PRKAG2: variants seen among roughly 807,000 people sequenced by gnomAD.
The protein encoded by PRKAG2 is 5'-AMP-activated protein kinase subunit gamma-2.
In PRKAG2, 26 loss-of-function variants were observed where a neutral mutation model predicts 69.6. That is an observed-to-expected ratio of 0.37 (90% CI 0.27 to 0.52). The LOEUF is 0.52. PRKAG2 is among the 20% of genes least tolerant of loss of function. The pLI, the probability that PRKAG2 is intolerant of heterozygous loss-of-function variation, is 0.90. For missense variants in PRKAG2, 557 were observed against 740.0 expected, an observed-to-expected ratio of 0.75 and a Z score of 2.87; for synonymous variants, 293 against 285.0, an observed-to-expected ratio of 1.03 and a Z score of -0.28.
At chr7:151,651,669 G>A (rs1466286876) in intron 4 of PRKAG2, among the ~76,000 whole-genome samples, 4 of 138,034 alleles carry the variant, frequency 2.9e-5, no homozygotes, top group Non-Finnish European at 4.4e-5. Context: ...TAGACTCTAG[G>A]TAAGTAGGCT....
Position 151,828,163 on chromosome 7 carries a change from A to G in PRKAG2, c.115-41622T>C, listed in dbSNP as rs1290418758. Among the ~76,000 whole-genome samples the G allele has an allele frequency of 6.6e-6, 1 of 152,220 alleles. No homozygotes were observed. Among genetic ancestry groups the G allele is most frequent in the Admixed American group, 6.5e-5 (1 of 15,286 alleles). Reference sequence around the variant, plus strand: ...CCGACCCCAGGCTGGCCCTGGAATGAGTGCAACTCTTTGTCCAGGGGTCTC... The same window carrying G: ...CCGACCCCAGGCTGGCCCTGGAATGGGTGCAACTCTTTGTCCAGGGGTCTC... On this transcript the variant is annotated intron_variant, in intron 1 of 15. Transcript: ENST00000287878. The surrounding 1 kb of genome is among the most constrained non-coding windows in gnomAD (Gnocchi z 4.6).
intron 1 of PRKAG2, among the ~76,000 whole-genome samples, chr7:151,855,885 G>A (rs1456800368): frequency 1.3e-5 from 2 of 152,210 alleles, no homozygotes; most frequent in African/African-American, 4.8e-5. Flanking sequence ...TGTGCACCCT[G>A]TCTCCATTTC....
At chr7:151,693,017 A>G (rs1268278120) in intron 3 of PRKAG2, among the ~76,000 whole-genome samples, 2 of 152,056 alleles carry the variant, frequency 1.3e-5, no homozygotes, top group Non-Finnish European at 2.9e-5. Context: ...GGAGAAGGGG[A>G]GGGGGCAGGA....
intron 6 of PRKAG2, among the ~76,000 whole-genome samples, chr7:151,584,706 G>A (rs146705491): frequency 3.0e-3 from 455 of 152,220 alleles, no homozygotes; most frequent in Middle Eastern, 0.01. Flanking sequence ...AGACCCAGCT[G>A]GGCAACATAG....
At chr7:151,613,768 C>T (rs1208333332) in intron 5 of PRKAG2, among the ~76,000 whole-genome samples, 2 of 146,548 alleles carry the variant, frequency 1.4e-5, no homozygotes, top group African/African-American at 5.1e-5. Context: ...AAAGTGCTTA[C>T]AGGTGTGAGC....
chr7:151,728,000 G>A (rs993372941), intron 3 of PRKAG2, among the ~76,000 whole-genome samples: 19 of 152,182 alleles, frequency 1.2e-4, no homozygotes, highest in African/African-American at 4.6e-4. Flanking sequence ...CCAGCAGCCT[G>A]CTTTCCAGAG....
rs538621550 is a variant in PRKAG2, at chr7:151,852,597, C to G, written c.114+23910G>C. 1.2e-3 allele frequency among the ~76,000 whole-genome samples: 183 copies of G among 152,136 alleles called. 5 individuals carry two copies. In the South Asian group the frequency reaches 0.032, roughly 27 times the overall value. On this transcript the variant is annotated intron_variant, in intron 1 of 15. Transcript: ENST00000287878. ...CCTGTAGGGGGGCATGTGGTAAGCA[C>G]CCCATTGTTAATGGGGCCCTGAGAA...
intron 5 of PRKAG2, among the ~76,000 whole-genome samples, chr7:151,613,220 T>C (rs1355809123): frequency 6.6e-6 from 1 of 152,204 alleles, no homozygotes; most frequent in Non-Finnish European, 1.5e-5. Flanking sequence ...GAAATTATTA[T>C]TTGTAATAGC....
At chr7:151,616,109 T>G (rs1463564343) in intron 5 of PRKAG2, among the ~76,000 whole-genome samples, 1 of 152,160 alleles carries the variant, frequency 6.6e-6, no homozygotes, top group Non-Finnish European at 1.5e-5. Context: ...ATTTTAACAG[T>G]GCTGTGGGTG....
chr7:151,605,735 C>T (rs548481644), intron 5 of PRKAG2, among the ~76,000 whole-genome samples: 4 of 152,044 alleles, frequency 2.6e-5, no homozygotes, highest in African/African-American at 7.2e-5. Context: ...GTCATGAGAT[C>T]GAGACCATCC....
intron 1 of PRKAG2, among the ~76,000 whole-genome samples, chr7:151,786,979 G>A (rs1252418764): frequency 2.0e-5 from 3 of 152,144 alleles, no homozygotes; most frequent in South Asian, 2.1e-4. Flanking sequence ...CTGGGGTGGC[G>A]GCTGAGGCAA....
At chr7:151,761,763 G>A (rs764011318) in intron 3 of PRKAG2, among the ~76,000 whole-genome samples, 3 of 152,160 alleles carry the variant, frequency 2.0e-5, no homozygotes, top group Non-Finnish European at 4.4e-5. Context: ...AGGACCCATC[G>A]GGCAATGACA....
chr7:151,596,252 A>C (rs1814496042), intron 5 of PRKAG2, among the ~76,000 whole-genome samples: 1 of 152,238 alleles, frequency 6.6e-6, no homozygotes, highest in Admixed American at 6.5e-5. Context: ...AACTGTCAAA[A>C]CTAATAAATT....
chr7:151,798,447 T>C (rs1241365773), intron 1 of PRKAG2, among the ~76,000 whole-genome samples: 2 of 152,164 alleles, frequency 1.3e-5, no homozygotes, highest in East Asian at 1.9e-4. Context: ...CCCAAGTAGC[T>C]GGGATTACAG....
chr7:151,868,632 T>G (rs967251824), intron 1 of PRKAG2, among the ~76,000 whole-genome samples: 1 of 152,224 alleles, frequency 6.6e-6, no homozygotes, highest in Admixed American at 6.5e-5. Flanking sequence ...CAGCTGGTGC[T>G]TCATCGGTGA....
In PRKAG2 at chr7:151,814,534, A is replaced by C. The variant is rs2078581400; in HGVS notation, c.115-27993T>G. On this transcript the variant is annotated intron_variant, in intron 1 of 15. Transcript: ENST00000287878. The surrounding 1 kb of genome is among the most constrained non-coding windows in gnomAD (Gnocchi z 4.8). Reference sequence around the variant, plus strand: ...GACGGGCGGCACTCCCAGCTCTGACAAATCCTGCTGCCTCACTCGAAAGGT... The same window carrying C: ...GACGGGCGGCACTCCCAGCTCTGACCAATCCTGCTGCCTCACTCGAAAGGT... 1 of 1,231,438 alleles carries C rather than the reference A, an allele frequency of 8.1e-7. No individual in the cohort carries two copies. The highest frequency in any genetic ancestry group is 3.2e-5 in the East Asian group (1 of 31,710). 76.3% of individuals were successfully genotyped at this position (1,231,438 alleles called of 1,614,324 possible). A position where few individuals can be genotyped will look rare whatever the true frequency, so the allele number is the denominator to read the frequency against.
intron 6 of PRKAG2, among the ~76,000 whole-genome samples, chr7:151,592,887 C>T (rs554212311): frequency 6.6e-6 from 1 of 152,162 alleles, no homozygotes; most frequent in African/African-American, 2.4e-5. Context: ...CACCCCTTTT[C>T]AAATACATCT....
intron 3 of PRKAG2, among the ~76,000 whole-genome samples, chr7:151,770,887 G>C (rs1339998045): frequency 6.6e-6 from 1 of 152,188 alleles, no homozygotes; most frequent in African/African-American, 2.4e-5. Flanking sequence ...TTAGCATTAA[G>C]CGTTGCAGAG....
intron 3 of PRKAG2, among the ~76,000 whole-genome samples, chr7:151,730,673 C>T (rs1326567755): frequency 6.6e-6 from 1 of 151,576 alleles, no homozygotes; most frequent in East Asian, 1.9e-4. Context: ...AGCAGGGGGG[C>T]TGGATGGGGG....
Sources: gnomAD v4.1 joint callset for allele counts (sites outside exome capture counted in the v4.1 genomes callset) on GRCh38, gnomAD v4.1.1 for gene constraint, Gnocchi (gnomAD v3.1) non-coding constraint, MANE v1.5 for transcripts, NCBI Gene and HGNC (gene_info 2026-07-23, HGNC 2026-07-21) for gene names.